TFEB: variants seen among roughly 807,000 people sequenced by gnomAD.
The protein encoded by TFEB is transcription factor EB, also known as T-cell transcription factor EB.
Under a neutral mutation model 48.0 loss-of-function variants are expected in TFEB, and 12 were observed. The ratio of observed to expected loss-of-function variants is 0.25; its 90% confidence interval spans 0.16 to 0.40. The LOEUF (loss-of-function observed/expected upper bound fraction) is 0.40, where lower values mean the gene tolerates loss of function less well. TFEB is among the 10% of genes least tolerant of loss of function. TFEB has a pLI of 1.00. For missense variants in TFEB, 509 were observed against 640.3 expected, an observed-to-expected ratio of 0.79 and a Z score of 2.21; for synonymous variants, 244 against 261.4, an observed-to-expected ratio of 0.93 and a Z score of 0.64.
chr6:41,702,921 A>G (rs896784347), intron 1 of TFEB, among the ~76,000 whole-genome samples: 1 of 152,206 alleles, frequency 6.6e-6, no homozygotes, highest in East Asian at 1.9e-4. Flanking sequence ...GGGACCTCTC[A>G]TAGGCTCCCT....
At position 41,684,402 on chromosome 6, in the gene TFEB, G is replaced by A; in HGVS notation, c.*197C>T. The stretch of plus-strand genomic sequence containing the variant: ...TCTTCCCACTGCGCCAGTCAAGAGG[G>A]CTGCCCTGGGGGTGCTTCTCCTGAC... On this transcript the variant is annotated 3_prime_UTR_variant, in exon 9 of 9. Transcript: ENST00000373033. The A allele has an allele frequency of 1.8e-6, 1 of 558,790 alleles. No homozygotes were observed. The highest frequency in any genetic ancestry group is 2.8e-6 in the Non-Finnish European group (1 of 354,194). The allele number at this position is 558,790 out of a possible 1,614,324, so 34.6% of individuals were successfully genotyped here.
intron 1 of TFEB, among the ~76,000 whole-genome samples, chr6:41,709,706 G>A (rs1581913291): frequency 1.3e-5 from 2 of 152,114 alleles, no homozygotes; most frequent in African/African-American, 4.8e-5. Context: ...ATAGATGGAT[G>A]GATGTTTAAA....
In TFEB at chr6:41,688,032, T is replaced by C; in HGVS notation, c.550-4A>G. 6.2e-7 allele frequency: 1 copy of C among 1,608,182 alleles called. No individual in the cohort carries two copies. The highest frequency in any genetic ancestry group is 8.5e-7 in the Non-Finnish European group (1 of 1,176,298). On this transcript the variant is annotated splice_polypyrimidine_tract_variant and splice_region_variant and intron_variant, in intron 4 of 8. Coordinates refer to ENST00000373033, the MANE Select transcript of TFEB (RefSeq NM_001271944.2). ...GGTGGCTGCTGGACAGGGGTAGCTG[T>C]GGGGTAGGGGGTGAGGGAGACCCAT...
intron 1 of TFEB, among the ~76,000 whole-genome samples, chr6:41,726,117 TA>T (rs919134515): frequency 2.0e-5 from 3 of 151,958 alleles, no homozygotes; most frequent in African/African-American, 7.2e-5. Flanking sequence ...CAAAAATAAA[TA>T]AATAATAAAA....
chr6:41,708,840 C>T (rs1176919462), intron 1 of TFEB, among the ~76,000 whole-genome samples: 1 of 152,210 alleles, frequency 6.6e-6, no homozygotes, highest in Non-Finnish European at 1.5e-5. Flanking sequence ...AGGGGAAGAC[C>T]AGTCACTGGG....
intron 1 of TFEB, among the ~76,000 whole-genome samples, chr6:41,700,056 A>G (rs1769813584): frequency 6.6e-6 from 1 of 152,210 alleles, no homozygotes; most frequent in Non-Finnish European, 1.5e-5. Context: ...CCAACAGCAC[A>G]CAAAGGCTGT....
At chr6:41,726,433 T>C (rs1771211315) in intron 1 of TFEB, among the ~76,000 whole-genome samples, 1 of 152,176 alleles carries the variant, frequency 6.6e-6, no homozygotes, top group South Asian at 2.1e-4. Flanking sequence ...TGGGTGATGG[T>C]TGCCTAGGGG....
Position 41,687,221 on chromosome 6 carries a change from C to G in TFEB, c.728-52G>C, listed in dbSNP as rs771040599. On this transcript the variant is annotated intron_variant, in intron 6 of 8. Coordinates refer to ENST00000373033, the MANE Select transcript of TFEB (RefSeq NM_001271944.2). Reference sequence around the variant, plus strand: ...CAATTAGAGGGATGGGGACCCCCCACCCCATGGGGAGAAGTACCCAGCCCA... The same window carrying G: ...CAATTAGAGGGATGGGGACCCCCCAGCCCATGGGGAGAAGTACCCAGCCCA... 30 of 1,556,016 alleles carry G rather than the reference C, an allele frequency of 1.9e-5. No individual in the cohort carries two copies. The African/African-American group carries it at 4.1e-4, about 21-fold the overall frequency.
chr6:41,733,531 G>C, intron 1 of TFEB: 1 of 768,976 alleles, frequency 1.3e-6, no homozygotes, highest in Non-Finnish European at 1.6e-6. Context: ...CACCCAAACA[G>C]CTCTGCCCTT....
In TFEB at chr6:41,734,454, GGAGGC is replaced by G. The variant is rs1405447965; in HGVS notation, c.-23+891_-23+895del. 4 of 887,598 alleles carry G rather than the reference GGAGGC, an allele frequency of 4.5e-6. No individual in the cohort carries two copies. Among genetic ancestry groups the G allele is most frequent in the Non-Finnish European group, 5.4e-6 (4 of 741,092 alleles). The allele number at this position is 887,598 out of a possible 1,614,324, so 55.0% of individuals were successfully genotyped here. A position where few individuals can be genotyped will look rare whatever the true frequency, so the allele number is the denominator to read the frequency against. On this transcript the variant is annotated intron_variant, in intron 1 of 8. Coordinates refer to ENST00000373033, the MANE Select transcript of TFEB (RefSeq NM_001271944.2). This position sits in a 1 kb window ranked among gnomAD's most constrained non-coding sequence, Gnocchi z 4.0. ...GCTGGCATCTGCCCGCTCCCTTCCA[GGAGGC>G]GAGCGGACGCGCTGGGCCAGAGCTG...
chr6:41,696,952 C>A (rs1769619765), intron 1 of TFEB, among the ~76,000 whole-genome samples: 1 of 152,126 alleles, frequency 6.6e-6, no homozygotes, highest in African/African-American at 2.4e-5. Context: ...GGAGGGGACA[C>A]AAGATGGCTT....
chr6:41,733,136 A>C (rs1581943809), intron 1 of TFEB: 1 of 800,840 alleles, frequency 1.2e-6, no homozygotes, highest in Admixed American at 6.2e-5. Flanking sequence ...CTCAAAGGGC[A>C]GCCAGACTTG....
chr6:41,735,507 C>A lies in TFEB; in HGVS notation c.-180G>T, dbSNP rs140203808. On this transcript the variant is annotated 5_prime_UTR_variant, in exon 1 of 9. Transcript: ENST00000373033. ...AGGCCCGCCCCGTCCGCCCTTCCCGCCGCCGTCGGCGCCGCGGCCGCTCCC... is the reference window on the plus strand; with the variant it reads ...AGGCCCGCCCCGTCCGCCCTTCCCGACGCCGTCGGCGCCGCGGCCGCTCCC... 7.0e-4 allele frequency: 691 copies of A among 984,328 alleles called. 4 individuals are homozygous for A. In the African/African-American group the frequency reaches 0.011, roughly 16 times the overall value. 61.0% of individuals were successfully genotyped at this position (984,328 alleles called of 1,614,324 possible).
intron 1 of TFEB, among the ~76,000 whole-genome samples, chr6:41,701,231 C>T (rs1423666148): frequency 2.6e-5 from 4 of 152,326 alleles, no homozygotes; most frequent in East Asian, 3.9e-4. Context: ...TAGCAGGCAG[C>T]CACCTTTCTC....
chr6:41,728,241 G>A (rs1471303190), intron 1 of TFEB, among the ~76,000 whole-genome samples: 1 of 152,180 alleles, frequency 6.6e-6, no homozygotes, highest in African/African-American at 2.4e-5. Context: ...GTTCCCACCC[G>A]CCCTGCTTGG....
chr6:41,718,461 A>C (rs986943363), intron 1 of TFEB, among the ~76,000 whole-genome samples: 8 of 152,108 alleles, frequency 5.3e-5, no homozygotes, highest in Admixed American at 2.6e-4. Context: ...CTCCCGCCTC[A>C]GTCTCCCAAA....
chr6:41,732,892 G>A, intron 1 of TFEB: 3 of 985,672 alleles, frequency 3.0e-6, no homozygotes, highest in Non-Finnish European at 3.6e-6. Context: ...AGTGCTGACT[G>A]CCCTCCATCC....
intron 1 of TFEB, among the ~76,000 whole-genome samples, chr6:41,703,466 C>T (rs1034100316): frequency 1.4e-5 from 2 of 145,558 alleles, no homozygotes; most frequent in South Asian, 2.1e-4. Context: ...GCTCCTCCTC[C>T]GTCATCTGCT....
At chr6:41,700,510 A>G (rs1769858941) in intron 1 of TFEB, among the ~76,000 whole-genome samples, 1 of 151,844 alleles carries the variant, frequency 6.6e-6, no homozygotes, top group Non-Finnish European at 1.5e-5. Context: ...AATGAATTAC[A>G]TGAGGAAGCA....
Sources: gnomAD v4.1 joint callset for allele counts (sites outside exome capture counted in the v4.1 genomes callset) on GRCh38, gnomAD v4.1.1 for gene constraint, Gnocchi (gnomAD v3.1) non-coding constraint, MANE v1.5 for transcripts, NCBI Gene and HGNC (gene_info 2026-07-23, HGNC 2026-07-21) for gene names.